The following PALLD variants were observed in gnomAD, a reference collection of about 807,000 sequenced individuals.
PALLD encodes the protein palladin.
A neutral mutation model predicts 123.5 loss-of-function variants in PALLD; 61 were observed. The ratio of observed to expected loss-of-function variants is 0.49; its 90% CI spans 0.40 to 0.61. The LOEUF (loss-of-function observed/expected upper bound fraction) is 0.61. Among genes scored for constraint, PALLD ranks in the 20% least tolerant of loss-of-function variants. The probability of loss-of-function intolerance (pLI) is 0.00; values close to 1 mark genes in which losing one functional copy is unlikely to be tolerated. For synonymous variants in PALLD, 465 were observed against 496.4 expected, an observed-to-expected ratio of 0.94 and a Z score of 0.84; for missense variants, 1,273 against 1,377.0, an observed-to-expected ratio of 0.92 and a Z score of 1.20.
intron 2 of PALLD, among the ~76,000 whole-genome samples, chr4:168,547,811 T>C (rs28404488): frequency 0.37 from 56,592 of 151,616 alleles, 10,795 homozygotes; most frequent in East Asian, 0.65. Flanking sequence ...CTGGGCGTGG[T>C]GGCGTGCGCC....
chr4:168,774,094 A>AT (rs200154943), intron 10 of PALLD, among the ~76,000 whole-genome samples: 5,249 of 151,472 alleles, frequency 0.035, 137 homozygotes, highest in South Asian at 0.078. Context: ...CGATTAAAAA[A>AT]AATATATATA....
intron 2 of PALLD, among the ~76,000 whole-genome samples, chr4:168,636,810 T>C (rs1776390737): frequency 1.3e-5 from 2 of 152,192 alleles, no homozygotes; most frequent in South Asian, 2.1e-4. Flanking sequence ...TCCAAGTGCA[T>C]TTGGGAGTGA....
chr4:168,696,913 T>G (rs1783180521), intron 8 of PALLD, among the ~76,000 whole-genome samples: 1 of 152,176 alleles, frequency 6.6e-6, no homozygotes, highest in Non-Finnish European at 1.5e-5. Context: ...GAAATAATTT[T>G]TTTAAAGTTC....
At chr4:168,499,834 C>G (rs1761210836) in intron 1 of PALLD, among the ~76,000 whole-genome samples, 1 of 152,204 alleles carries the variant, frequency 6.6e-6, no homozygotes, top group South Asian at 2.1e-4. Flanking sequence ...ATTAAGTGAT[C>G]CTTACTGCCT....
chr4:168,609,078 T>C lies in PALLD; in HGVS notation c.909-59112T>C, dbSNP rs78531613. ...TTGGGTGATCTGGAGTTGTCCTGAA[T>C]TTCAGCAGCAGGACTCAAACTTCCT... On this transcript the variant is annotated intron_variant, in intron 2 of 21. Transcript: ENST00000505667. Among the ~76,000 whole-genome samples the C allele has an allele frequency of 3.0e-4, 46 of 152,228 alleles. 1 individual carries two copies. In the East Asian group the frequency reaches 7.7e-3, roughly 26 times the overall value.
chr4:168,919,350 C>T (rs1378659799), intron 17 of PALLD, among the ~76,000 whole-genome samples: 1 of 151,830 alleles, frequency 6.6e-6, no homozygotes, highest in Non-Finnish European at 1.5e-5. Flanking sequence ...ATGGTGAAAC[C>T]CCGTCTCTAC....
chr4:168,617,192 A>G (rs1774311104), intron 2 of PALLD, among the ~76,000 whole-genome samples: 1 of 152,130 alleles, frequency 6.6e-6, no homozygotes, highest in African/African-American at 2.4e-5. Flanking sequence ...CCAACTCTCC[A>G]TTTCTTCTAT....
intron 10 of PALLD, among the ~76,000 whole-genome samples, chr4:168,871,130 G>T (rs78535065): frequency 0.02 from 3,076 of 152,200 alleles, 110 homozygotes; most frequent in African/African-American, 0.07. Context: ...AGTAGTAATC[G>T]ACTCTTATAA....
chr4:168,693,401 A>G (rs1304142834), intron 8 of PALLD, among the ~76,000 whole-genome samples: 2 of 152,220 alleles, frequency 1.3e-5, no homozygotes, highest in African/African-American at 4.8e-5. Context: ...AAACAGCTTC[A>G]TGGAATCACC....
intron 10 of PALLD, among the ~76,000 whole-genome samples, chr4:168,799,657 G>A (rs1228129005): frequency 2.6e-5 from 4 of 152,200 alleles, no homozygotes; most frequent in Non-Finnish European, 5.9e-5. Context: ...TGTGCGAAAA[G>A]CATGTGTAAA....
At chr4:168,594,375 G>A (rs1771768700) in intron 2 of PALLD, among the ~76,000 whole-genome samples, 2 of 152,138 alleles carry the variant, frequency 1.3e-5, no homozygotes, top group Non-Finnish European at 2.9e-5. Flanking sequence ...ATTCCTGACA[G>A]TTTAGTTCCT....
At chr4:168,832,384 G>A (rs896189098) in intron 10 of PALLD, among the ~76,000 whole-genome samples, 7 of 151,344 alleles carry the variant, frequency 4.6e-5, no homozygotes. Context: ...ATCCCTGAAA[G>A]CGGAGCTCCA....
intron 10 of PALLD, among the ~76,000 whole-genome samples, chr4:168,811,760 TCTCTCTCTCTCTCTCTCACACA>T (rs1741154401): frequency 1.0e-5 from 1 of 97,574 alleles, no homozygotes. Context: ...TCTCTCTTTC[TCTCTCTCTCTCTCTCTCACACA>T]CACACACACA....
chr4:168,544,667 T>C (rs1040749245), intron 2 of PALLD, among the ~76,000 whole-genome samples: 3 of 152,234 alleles, frequency 2.0e-5, no homozygotes, highest in Admixed American at 2.0e-4. Context: ...TACACTTATT[T>C]CTATTATCAG....
chr4:168,610,437 T>C (rs1773618618), intron 2 of PALLD, among the ~76,000 whole-genome samples: 3 of 152,236 alleles, frequency 2.0e-5, no homozygotes, highest in Non-Finnish European at 4.4e-5. Context: ...TGGGTGACCC[T>C]GTCCCTAGGG....
intron 10 of PALLD, among the ~76,000 whole-genome samples, chr4:168,814,545 G>A (rs1379953222): frequency 2.6e-5 from 4 of 152,214 alleles, no homozygotes; most frequent in East Asian, 1.9e-4. Flanking sequence ...TTCATAGGAC[G>A]AAATTACTTC....
At chr4:168,720,551 G>A (rs570514627) in intron 10 of PALLD, among the ~76,000 whole-genome samples, 1 of 152,206 alleles carries the variant, frequency 6.6e-6, no homozygotes, top group African/African-American at 2.4e-5. Context: ...CACATTGGAG[G>A]TTGATAAGGA....
chr4:168,831,743 G>A lies in PALLD; in HGVS notation c.1965-59179G>A, dbSNP rs142562998. Among the ~76,000 whole-genome samples the A allele has an allele frequency of 1.2e-4, 18 of 152,186 alleles. 1 individual carries two copies. Among genetic ancestry groups the A allele is most frequent in the African/African-American group, 4.3e-4 (18 of 41,514 alleles). The stretch of plus-strand genomic sequence containing the variant: ...TGTAAAGGAAAAAAACACAAACACC[G>A]GAGGAGAATCATCCTAACAAGCCGA... On this transcript the variant is annotated intron_variant, in intron 10 of 21. Transcript: ENST00000505667.
intron 10 of PALLD, among the ~76,000 whole-genome samples, chr4:168,870,645 T>A (rs1176854446): frequency 6.6e-6 from 1 of 152,220 alleles, no homozygotes; most frequent in Admixed American, 6.5e-5. Context: ...AGGTTCTTTA[T>A]AATATTTAAA....
Sources: allele counts gnomAD v4.1 joint callset (sites outside exome capture counted in the v4.1 genomes callset), GRCh38; gene constraint gnomAD v4.1.1; transcripts MANE v1.5; gene names NCBI Gene and HGNC (gene_info 2026-07-23, HGNC 2026-07-21).